RNF220: variants seen among roughly 807,000 people sequenced by gnomAD.
RNF220 encodes the protein E3 ubiquitin-protein ligase RNF220.
In RNF220, 7 loss-of-function variants were observed where a neutral mutation model predicts 67.1. The ratio of observed to expected loss-of-function variants is 0.10; its 90% confidence interval spans 0.06 to 0.20. The LOEUF (loss-of-function observed/expected upper bound fraction) is 0.20, where lower values mean the gene tolerates loss of function less well. RNF220 is among the 10% of genes least tolerant of loss of function. The pLI is 1.00. For missense variants in RNF220, 565 were observed against 740.3 expected (o/e 0.76, Z 2.75); for synonymous variants, 270 against 283.2 (o/e 0.95, Z 0.47).
In RNF220 at chr1:44,543,007, C is replaced by T. The variant is rs539365292; in HGVS notation, c.626-71158C>T. Among the ~76,000 whole-genome samples, 7 of 152,254 alleles carry T rather than the reference C, an allele frequency of 4.6e-5. No homozygotes were observed. In the South Asian group the frequency reaches 8.3e-4, roughly 18 times the overall value. ...TGTCTCTCGGCAGTGTTGCTAGGTG[C>T]GGTGAGCCCAGGCGCCTGCCACCGG... On this transcript the variant is annotated intron_variant, in intron 2 of 14. Transcript: ENST00000361799.
At position 44,635,449 on chromosome 1, in the gene RNF220, T is replaced by C. The variant is rs574950845; in HGVS notation, c.950-96T>C. On this transcript the variant is annotated intron_variant, in intron 6 of 14. Transcript: ENST00000361799. ...GGCACTGAATAAAAAGGCCAATGGC[T>C]GGCAAGAGGTCAGGATGTGTCAGCT... is the stretch of plus-strand genomic sequence containing the variant. 11 of 1,533,614 alleles carry C rather than the reference T, an allele frequency of 7.2e-6. No individual in the cohort carries two copies. In the African/African-American group the frequency reaches 1.5e-4, roughly 21 times the overall value.
chr1:44,618,629 G>A (rs1358538368), intron 3 of RNF220, among the ~76,000 whole-genome samples: 4 of 152,194 alleles, frequency 2.6e-5, no homozygotes, highest in South Asian at 2.1e-4. Context: ...GCTGGAGGAC[G>A]TCCTTGATGG....
At chr1:44,626,265 C>T in intron 4 of RNF220, 32 bp from the exon 5 acceptor site, 1 of 1,566,060 alleles carries the variant, frequency 6.4e-7, no homozygotes, top group Non-Finnish European at 8.8e-7. Flanking sequence ...TCTCATTTGG[C>T]CTGAGGCCAC....
chr1:44,586,956 T>C (rs181690535), intron 2 of RNF220, among the ~76,000 whole-genome samples: 3 of 152,130 alleles, frequency 2.0e-5, no homozygotes, highest in Admixed American at 2.0e-4. Flanking sequence ...ATAACAATGA[T>C]AATTAAAAGT....
intron 2 of RNF220, among the ~76,000 whole-genome samples, chr1:44,531,192 T>C (rs993484144): frequency 1.3e-5 from 2 of 152,206 alleles, no homozygotes; most frequent in Admixed American, 6.5e-5. Context: ...CTTCCTGTAA[T>C]CCTCAAGGTA....
At position 44,417,569 on chromosome 1, in the gene RNF220, T is replaced by TA. The variant is rs946277971; in HGVS notation, c.625+4848dup. 2.0e-5 allele frequency among the ~76,000 whole-genome samples: 3 copies of TA among 152,126 alleles called. No homozygotes were observed. The highest frequency in any genetic ancestry group is 4.8e-5 in the African/African-American group (2 of 41,432). The stretch of plus-strand genomic sequence containing the variant: ...GCTCTGTGCGGCGGCTGCCTCCTCT[T>TA]ACGGCCGGAATGCCTAATCACCATG... On this transcript the variant is annotated intron_variant, in intron 2 of 14. Coordinates refer to ENST00000361799, the MANE Select transcript of RNF220 (RefSeq NM_018150.4). The surrounding 1 kb of genome is among the most constrained non-coding windows in gnomAD (Gnocchi z 4.0).
chr1:44,465,439 AT>A (rs11325368), intron 2 of RNF220, among the ~76,000 whole-genome samples: 31,076 of 144,276 alleles, frequency 0.22, 4,263 homozygotes, highest in African/African-American at 0.4. Flanking sequence ...TCCATGTGCC[AT>A]TTTTTTTTTT....
chr1:44,486,478 C>G (rs1033393948), intron 2 of RNF220, among the ~76,000 whole-genome samples: 4 of 152,100 alleles, frequency 2.6e-5, no homozygotes, highest in African/African-American at 9.7e-5. Context: ...TTCTTCTTTT[C>G]TCTCTCTCCA....
chr1:44,570,404 G>A (rs1224852732), intron 2 of RNF220, among the ~76,000 whole-genome samples: 3 of 152,204 alleles, frequency 2.0e-5, no homozygotes, highest in African/African-American at 7.2e-5. Context: ...CTACTAGAAT[G>A]TAGCTGTTTG....
At chr1:44,529,576 A>G (rs1383135319) in intron 2 of RNF220, among the ~76,000 whole-genome samples, 3 of 152,110 alleles carry the variant, frequency 2.0e-5, no homozygotes, top group South Asian at 2.1e-4. Context: ...GAGTCTCACT[A>G]TGTTGTCCAG....
chr1:44,615,593 G>T (rs982332703), intron 3 of RNF220, among the ~76,000 whole-genome samples: 1 of 152,082 alleles, frequency 6.6e-6, no homozygotes, highest in Non-Finnish European at 1.5e-5. Flanking sequence ...AATCAGAATG[G>T]TCCCTGCCCT....
intron 3 of RNF220, among the ~76,000 whole-genome samples, chr1:44,616,671 TCC>T (rs1253074296): frequency 3.9e-5 from 6 of 152,050 alleles, no homozygotes; most frequent in Non-Finnish European, 8.8e-5. Flanking sequence ...GCAGCTGGGT[TCC>T]ATATTTTGGC....
At position 44,645,226 on chromosome 1, in the gene RNF220, G is replaced by A; in HGVS notation, c.1316G>A (p.Gly439Asp). Reference sequence around the variant, plus strand: ...TCCTCCCTCCTTTCCTCCAGTGGCGGCCCTCCCAGCACGCGCATCACACCT... The same window carrying A: ...TCCTCCCTCCTTTCCTCCAGTGGCGACCCTCCCAGCACGCGCATCACACCT... ...EALRGAVLNG[G>D]PPSTRITPEF... Residue 439 changes from glycine to aspartate, a missense_variant, in exon 11 of 15, where the codon GGC becomes GAC. Physicochemically the swap from Gly to Asp is moderately conservative, Grantham distance 94 (BLOSUM62 -1). Coordinates refer to ENST00000361799, the MANE Select transcript of RNF220 (RefSeq NM_018150.4). The surrounding 1 kb of genome is among the most constrained non-coding windows in gnomAD (Gnocchi z 5.0). 2 of 1,614,080 alleles carry A rather than the reference G, an allele frequency of 1.2e-6. No individual in the cohort carries two copies. Among genetic ancestry groups the A allele is most frequent in the Non-Finnish European group, 1.7e-6 (2 of 1,180,016 alleles).
chr1:44,489,426 G>A (rs1219563075), intron 2 of RNF220, among the ~76,000 whole-genome samples: 1 of 152,236 alleles, frequency 6.6e-6, no homozygotes, highest in African/African-American at 2.4e-5. Flanking sequence ...AGAGGAAAGG[G>A]AGATGGCTTT....
At chr1:44,603,827 T>C (rs1365459521) in intron 2 of RNF220, among the ~76,000 whole-genome samples, 1 of 152,172 alleles carries the variant, frequency 6.6e-6, no homozygotes, top group African/African-American at 2.4e-5. Context: ...AGGCAGCGCC[T>C]GAGGCCAGGC....
chr1:44,571,971 T>A (rs1165375963), intron 2 of RNF220, among the ~76,000 whole-genome samples: 2 of 152,324 alleles, frequency 1.3e-5, no homozygotes, highest in East Asian at 3.9e-4. Flanking sequence ...TCCACTTCCC[T>A]CCATTTCCAA....
intron 2 of RNF220, among the ~76,000 whole-genome samples, chr1:44,499,342 C>A (rs528726957): frequency 1.3e-5 from 2 of 152,262 alleles, no homozygotes; most frequent in Non-Finnish European, 2.9e-5. Context: ...CTCAGGTGAA[C>A]CCTCACTAGT....
chr1:44,617,733 G>C (rs1400801069), intron 3 of RNF220, among the ~76,000 whole-genome samples: 1 of 152,252 alleles, frequency 6.6e-6, no homozygotes, highest in African/African-American at 2.4e-5. Flanking sequence ...CCATTTCACA[G>C]ATGGGGAAAC....
intron 2 of RNF220, among the ~76,000 whole-genome samples, chr1:44,588,695 C>T (rs899765113): frequency 2.6e-5 from 4 of 152,212 alleles, no homozygotes; most frequent in African/African-American, 7.2e-5. Context: ...GCCAGCTGGG[C>T]CGACTGCTGG....
Sources: gnomAD v4.1 joint callset for allele counts (sites outside exome capture counted in the v4.1 genomes callset) on GRCh38, gnomAD v4.1.1 for gene constraint, Gnocchi (gnomAD v3.1) non-coding constraint, MANE v1.5 for transcripts, NCBI Gene and HGNC (gene_info 2026-07-23, HGNC 2026-07-21) for gene names.